Variants in CFAP92 observed in about 807,000 individuals in gnomAD.
CFAP92 encodes the protein uncharacterized protein CFAP92.
CFAP92 carries 86 observed loss-of-function variants against 106.3 expected under a neutral mutation model. The observed-to-expected ratio is 0.81, with a 90% CI of 0.68 to 0.97. The LOEUF (loss-of-function observed/expected upper bound fraction) is 0.97. Ranked by LOEUF, CFAP92 falls within the 50% of genes least tolerant of loss-of-function variation. The probability of loss-of-function intolerance (pLI) is 0.00; values close to 1 mark genes in which losing one functional copy is unlikely to be tolerated. For synonymous variants in CFAP92, 477 were observed against 506.4 expected (o/e 0.94, Z 0.78); for missense variants, 1,204 against 1,283.8 (o/e 0.94, Z 0.95).
chr3:128,977,978 A>G, intron 5 of CFAP92, 67 bp downstream of exon 5: 1 of 1,599,726 alleles, frequency 6.3e-7, no homozygotes, highest in Non-Finnish European at 8.5e-7. Context: ...GCTCCAGCAC[A>G]CCACACAACC....
chr3:129,002,545 A>G (rs1944841878), intron 1 of CFAP92: 2 of 916,358 alleles, frequency 2.2e-6, no homozygotes, highest in Non-Finnish European at 3.0e-6. Context: ...CCATTCCTGA[A>G]AACCCCAATC....
At chr3:128,970,811 C>T (rs140459165) in intron 8 of CFAP92, 121 of 160,318 alleles carry the variant, frequency 7.5e-4, no homozygotes, top group East Asian at 6.7e-3. Flanking sequence ...CACCACCACA[C>T]CACAGGTTGG....
At chr3:128,920,488 A>G (rs79016607) in intron 12 of CFAP92, among the ~76,000 whole-genome samples, 7,267 of 152,308 alleles carry the variant, frequency 0.048, 356 homozygotes, top group African/African-American at 0.12. Flanking sequence ...TATAGAAAAA[A>G]TAAATGGAAA....
At chr3:128,926,246 C>T (rs954815982) in intron 12 of CFAP92, among the ~76,000 whole-genome samples, 5 of 151,684 alleles carry the variant, frequency 3.3e-5, no homozygotes, top group Non-Finnish European at 7.4e-5. Flanking sequence ...TGGTGGCTCA[C>T]GCCTGTAGCC....
intron 12 of CFAP92, among the ~76,000 whole-genome samples, chr3:128,920,575 G>A (rs1372845180): frequency 1.3e-5 from 2 of 152,150 alleles, no homozygotes; most frequent in Non-Finnish European, 2.9e-5. Context: ...ACAGTGTTGG[G>A]GAAAAGCTGA....
At position 128,945,283 on chromosome 3, in the gene CFAP92, C is replaced by T. The variant is rs62265308; in HGVS notation, c.2046G>A (p.Met682Ile). The T allele has an allele frequency of 2.6e-6, 4 of 1,536,002 alleles. No individual in the cohort carries two copies. In the African/African-American group the frequency reaches 5.5e-5, roughly 21 times the overall value. ...CCAGGCCGAGGGCCTTAGCGTTGAT[C>T]ATGGTGATGTCCTGCAGCAGGCTGT... The part of the protein sequence containing the change: ...LLHSLLQDIT[M>I]INAKALGLDS... The change falls in exon 10 of 16, where the codon ATG (methionine) becomes ATA (isoleucine). Residue 682 changes from methionine to isoleucine, a missense_variant. By Grantham distance (10) the Met-to-Ile change is conservative. Transcript: ENST00000645291.
rs1943950747 is a variant in CFAP92 at position 128,987,795 on chromosome 3, C to A, written c.488G>T (p.Trp163Leu). 6.2e-7 allele frequency: 1 copy of A among 1,612,702 alleles called. No homozygotes were observed. The highest frequency in any genetic ancestry group is 8.5e-7 in the Non-Finnish European group (1 of 1,179,268). ...VKPWHEGDKA[W>L]VSWEQTFNIT... is the part of the protein sequence containing the mutation. ...ATTAAAAGTCTGCTCCCACGACACC[C>A]AGGCTTTGTCACCTTCGTGCCACGG... Residue 163 changes from tryptophan (W) to leucine (L), a missense_variant, in exon 4 of 16, where the codon TGG (tryptophan) becomes TTG (leucine). Transcript: ENST00000645291.
chr3:128,918,303 C>G (rs1363245990), intron 12 of CFAP92, among the ~76,000 whole-genome samples: 1 of 152,110 alleles, frequency 6.6e-6, no homozygotes, highest in Non-Finnish European at 1.5e-5. Context: ...GAAACCCTTT[C>G]CATACTAAAA....
At chr3:128,934,245 G>C (rs1273279540) in intron 11 of CFAP92, among the ~76,000 whole-genome samples, 1 of 152,240 alleles carries the variant, frequency 6.6e-6, no homozygotes, top group East Asian at 1.9e-4. Context: ...TGAGGGAATG[G>C]TGAGACCCTG....
intron 8 of CFAP92, chr3:128,970,764 C>T (rs1442827696): frequency 1.3e-5 from 2 of 154,208 alleles, no homozygotes; most frequent in African/African-American, 4.8e-5. Context: ...TTCTTTTCCT[C>T]ACTGAAAAAA....
chr3:128,999,596 T>C (rs1399804896), intron 1 of CFAP92, among the ~76,000 whole-genome samples: 1 of 137,130 alleles, frequency 7.3e-6, no homozygotes, highest in Non-Finnish European at 1.5e-5. Flanking sequence ...TGGAGTGCAA[T>C]GGCAGGATCT....
At chr3:128,993,418 C>T in intron 1 of CFAP92, 82 bp from the exon 2 acceptor site, 1 of 1,406,814 alleles carries the variant, frequency 7.1e-7, no homozygotes, top group Non-Finnish European at 9.5e-7. Flanking sequence ...TGCAGAAGCA[C>T]CCACCCTTCT....
chr3:128,958,816 A>G lies in CFAP92; in HGVS notation c.1353+6695T>C, dbSNP rs563491998. Reference sequence around the variant, plus strand: ...CTAGGGAGGCTAAGGCAGGAGGATCACCTGAGCCCAGGAGGTTGAGGCTGC... The same window carrying G: ...CTAGGGAGGCTAAGGCAGGAGGATCGCCTGAGCCCAGGAGGTTGAGGCTGC... On this transcript the variant is annotated intron_variant, in intron 9 of 15. Coordinates refer to ENST00000645291, the MANE Select transcript of CFAP92 (RefSeq NM_001394090.1). Among the ~76,000 whole-genome samples, 7 of 152,216 alleles carry G rather than the reference A, an allele frequency of 4.6e-5. No individual in the cohort carries two copies. In the South Asian group the frequency reaches 1.5e-3, roughly 32 times the overall value.
At chr3:128,953,587 C>T (rs1297793119) in intron 9 of CFAP92, among the ~76,000 whole-genome samples, 1 of 116,714 alleles carries the variant, frequency 8.6e-6, no homozygotes, top group Non-Finnish European at 1.6e-5. Context: ...CCCTCTCCCT[C>T]TCCCTCTCCC....
intron 1 of CFAP92, among the ~76,000 whole-genome samples, chr3:129,000,181 T>C (rs1440301825): frequency 6.6e-6 from 1 of 152,196 alleles, no homozygotes; most frequent in Non-Finnish European, 1.5e-5. Flanking sequence ...CTTTCGAAGG[T>C]AGAAGCCAAG....
At chr3:129,002,046 C>T (rs1292253667) in intron 1 of CFAP92, 13 of 1,543,208 alleles carry the variant, frequency 8.4e-6, no homozygotes, top group Non-Finnish European at 9.6e-6. Context: ...GCCGCCGGAG[C>T]TCACCTTCCG....
At chr3:128,976,250 A>T (rs2107790712) in intron 6 of CFAP92, among the ~76,000 whole-genome samples, 1 of 152,262 alleles carries the variant, frequency 6.6e-6, no homozygotes, top group East Asian at 1.9e-4. Context: ...AAACTATAAA[A>T]CATCTAAGAA....
chr3:128,942,356 G>A (rs551596809), intron 10 of CFAP92, among the ~76,000 whole-genome samples: 1 of 152,362 alleles, frequency 6.6e-6, no homozygotes, highest in African/African-American at 2.4e-5. Flanking sequence ...CAAGCACACT[G>A]CAGCCAGGCA....
At chr3:128,915,302 GAGGAGA>G in intron 14 of CFAP92, 27 bp from the exon 15 acceptor site, 1 of 1,535,992 alleles carries the variant, frequency 6.5e-7, no homozygotes, top group Non-Finnish European at 8.7e-7. Context: ...AGTAAATCAG[GAGGAGA>G]AAGGTCCCTA....
Sources: allele counts gnomAD v4.1 joint callset (sites outside exome capture counted in the v4.1 genomes callset), GRCh38; gene constraint gnomAD v4.1.1; transcripts MANE v1.5; gene names NCBI Gene and HGNC (gene_info 2026-07-23, HGNC 2026-07-21).